SCHIP1: variants seen among roughly 807,000 people sequenced by gnomAD.
SCHIP1 encodes the protein schwannomin interacting protein 1.
Under a neutral mutation model 29.7 loss-of-function variants are expected in SCHIP1, and 8 were observed. The ratio of observed to expected loss-of-function variants is 0.27; its 90% CI spans 0.16 to 0.49. SCHIP1 has a LOEUF of 0.49. Ranked by LOEUF, SCHIP1 falls within the 20% of genes least tolerant of loss-of-function variation. The pLI, the probability that SCHIP1 is intolerant of heterozygous loss-of-function variation, is 0.99. For synonymous variants in SCHIP1, 76 were observed against 94.9 expected (o/e 0.80, Z 1.16); for missense variants, 193 against 294.6 (o/e 0.66, Z 2.52).
At chr3:159,411,532 T>C in the SCHIP1 span, among the ~76,000 whole-genome samples, 2 of 152,172 alleles carry the variant, frequency 1.3e-5, no homozygotes, top group Non-Finnish European at 2.9e-5. Context: ...ATTATGTTAA[T>C]GCACCAGTAT....
the SCHIP1 span, among the ~76,000 whole-genome samples, chr3:159,641,405 A>G: frequency 6.6e-6 from 1 of 152,156 alleles, no homozygotes; most frequent in Non-Finnish European, 1.5e-5. Flanking sequence ...ATGCTCTGCA[A>G]AAGGCACTCC....
intron 1 of SCHIP1, chr3:159,852,864 T>C (rs1712826284): frequency 6.6e-6 from 1 of 152,378 alleles, no homozygotes; most frequent in Admixed American, 6.5e-5. Context: ...TACCCAGCTT[T>C]TAACTCAGTA....
chr3:159,553,932 C>G, the SCHIP1 span, among the ~76,000 whole-genome samples: 1 of 150,754 alleles, frequency 6.6e-6, no homozygotes. Context: ...TCCTGAGTAG[C>G]TGGGACTACA....
At chr3:159,715,278 C>T in the SCHIP1 span, among the ~76,000 whole-genome samples, 1 of 152,206 alleles carries the variant, frequency 6.6e-6, no homozygotes, top group Non-Finnish European at 1.5e-5. Context: ...GTAGATAAAA[C>T]CACAAAGATG....
At chr3:159,616,693 C>T in the SCHIP1 span, among the ~76,000 whole-genome samples, 9 of 152,114 alleles carry the variant, frequency 5.9e-5, no homozygotes, top group Non-Finnish European at 1.2e-4. Context: ...CAAATAACCC[C>T]AAAACCTTAA....
At chr3:159,453,548 T>C in the SCHIP1 span, among the ~76,000 whole-genome samples, 5 of 152,190 alleles carry the variant, frequency 3.3e-5, no homozygotes, top group Admixed American at 3.3e-4. Flanking sequence ...CTGAAACTTT[T>C]TAAGCCTCAT....
the SCHIP1 span, among the ~76,000 whole-genome samples, chr3:159,501,670 C>T: frequency 6.6e-6 from 1 of 152,120 alleles, no homozygotes. Context: ...ATTATGATTA[C>T]TCAATTTCAT....
chr3:159,826,656 GGAGAAGA>G, the SCHIP1 span, among the ~76,000 whole-genome samples: 4 of 152,174 alleles, frequency 2.6e-5, no homozygotes, highest in Admixed American at 2.0e-4. Context: ...TCAGATAAGG[GGAGAAGA>G]GAGATGTTGG....
the SCHIP1 span, among the ~76,000 whole-genome samples, chr3:159,419,086 G>T: frequency 6.6e-6 from 1 of 152,196 alleles, no homozygotes; most frequent in Non-Finnish European, 1.5e-5. Context: ...TGAGGCAGCT[G>T]CTGGGACAAC....
the SCHIP1 span, among the ~76,000 whole-genome samples, chr3:159,598,076 C>T: frequency 1.3e-5 from 2 of 152,102 alleles, no homozygotes; most frequent in Non-Finnish European, 2.9e-5. Flanking sequence ...GAAAACTGAC[C>T]CCATGATCCA....
chr3:159,316,525 A>G, the SCHIP1 span, among the ~76,000 whole-genome samples: 1 of 152,216 alleles, frequency 6.6e-6, no homozygotes, highest in Non-Finnish European at 1.5e-5. Flanking sequence ...AGACATATAC[A>G]GGATTAATAC....
At chr3:159,357,288 T>C in the SCHIP1 span, among the ~76,000 whole-genome samples, 1 of 152,214 alleles carries the variant, frequency 6.6e-6, no homozygotes, top group African/African-American at 2.4e-5. Context: ...TTTACATATA[T>C]GCAAATATGG....
At chr3:159,341,685 T>A in the SCHIP1 span, among the ~76,000 whole-genome samples, 3 of 152,212 alleles carry the variant, frequency 2.0e-5, no homozygotes, top group South Asian at 6.2e-4. Context: ...TTATAACTGA[T>A]CTGGCTTTTT....
At chr3:159,596,245 T>A in the SCHIP1 span, among the ~76,000 whole-genome samples, 1 of 152,180 alleles carries the variant, frequency 6.6e-6, no homozygotes, top group East Asian at 1.9e-4. Flanking sequence ...AAAACCACAA[T>A]GAGATAACAT....
chr3:159,274,947 C>A, the SCHIP1 span: 1 of 979,366 alleles, frequency 1.0e-6, no homozygotes, highest in Non-Finnish European at 1.2e-6. Context: ...ACCTCCAATT[C>A]AAATATAATG....
chr3:159,760,942 G>A, the SCHIP1 span, among the ~76,000 whole-genome samples: 2 of 152,212 alleles, frequency 1.3e-5, no homozygotes, highest in African/African-American at 2.4e-5. Flanking sequence ...TAAGATAAAT[G>A]CAGTGAGTGT....
At chr3:159,841,951 G>A (rs567538473) in intron 1 of SCHIP1, among the ~76,000 whole-genome samples, 1 of 152,180 alleles carries the variant, frequency 6.6e-6, no homozygotes, top group South Asian at 2.1e-4. Context: ...ACATAGCTCA[G>A]CAAAAACAGA....
chr3:159,650,160 G>C, the SCHIP1 span, among the ~76,000 whole-genome samples: 1 of 152,148 alleles, frequency 6.6e-6, no homozygotes, highest in African/African-American at 2.4e-5. Flanking sequence ...ATGGTATTCT[G>C]TCCCCTCTTT....
chr3:159,589,919 T>G, the SCHIP1 span, among the ~76,000 whole-genome samples: 2 of 152,080 alleles, frequency 1.3e-5, no homozygotes, highest in African/African-American at 4.8e-5. Context: ...AAGGCAAGTG[T>G]TAGGAAAAAG....
Sources: gnomAD v4.1 joint callset for allele counts (sites outside exome capture counted in the v4.1 genomes callset) on GRCh38, gnomAD v4.1.1 for gene constraint, MANE v1.5 for transcripts, NCBI Gene and HGNC (gene_info 2026-07-23, HGNC 2026-07-21) for gene names.